NRXN3: variants seen among roughly 807,000 people sequenced by gnomAD.
NRXN3 encodes neurexin III.
NRXN3 carries 32 observed loss-of-function variants against 137.6 expected under a neutral mutation model. The observed-to-expected ratio is 0.23, with a 90% confidence interval of 0.18 to 0.31. NRXN3 has a LOEUF of 0.31. Ranked by LOEUF, NRXN3 falls within the 10% of genes least tolerant of loss-of-function variation. NRXN3 has a pLI of 1.00. For missense variants in NRXN3, 1,574 were observed against 2,062.5 expected (o/e 0.76, Z 4.59); for synonymous variants, 798 against 784.5 (o/e 1.02, Z -0.29).
chr14:79,559,882 C>T (rs1346517237), intron 16 of NRXN3, among the ~76,000 whole-genome samples: 3 of 152,090 alleles, frequency 2.0e-5, no homozygotes, highest in African/African-American at 7.2e-5. Context: ...AGTGTACATG[C>T]TAGGGACTTC....
At chr14:78,678,458 T>A (rs763300115) in intron 6 of NRXN3, among the ~76,000 whole-genome samples, 1 of 152,050 alleles carries the variant, frequency 6.6e-6, no homozygotes, top group African/African-American at 2.4e-5. Flanking sequence ...TACTCCAGTA[T>A]ATTTTCATCC....
chr14:78,465,455 T>C (rs1178426170), intron 4 of NRXN3, among the ~76,000 whole-genome samples: 1 of 152,238 alleles, frequency 6.6e-6, no homozygotes, highest in East Asian at 1.9e-4. Flanking sequence ...ATCCCAGTTC[T>C]GTAAAATTTT....
intron 4 of NRXN3, among the ~76,000 whole-genome samples, chr14:78,381,032 A>G (rs1210618100): frequency 6.6e-6 from 1 of 152,202 alleles, no homozygotes; most frequent in Non-Finnish European, 1.5e-5. Context: ...AAAACAGTGC[A>G]AAAGTAATTC....
intron 4 of NRXN3, among the ~76,000 whole-genome samples, chr14:78,323,320 G>A (rs528637246): frequency 3.3e-5 from 5 of 152,040 alleles, no homozygotes; most frequent in African/African-American, 1.2e-4. Context: ...AGAATGAAGA[G>A]AGACCTAAAA....
chr14:78,260,642 T>A (rs1336911464), intron 2 of NRXN3, among the ~76,000 whole-genome samples: 1 of 152,122 alleles, frequency 6.6e-6, no homozygotes, highest in East Asian at 1.9e-4. Context: ...AGTGAATAAG[T>A]CCCCCAAGAT....
chr14:78,827,907 C>T (rs2098971591), intron 10 of NRXN3, among the ~76,000 whole-genome samples: 1 of 152,220 alleles, frequency 6.6e-6, no homozygotes, highest in South Asian at 2.1e-4. Context: ...TAACAGCATA[C>T]ATAGTTGTAT....
intron 10 of NRXN3, among the ~76,000 whole-genome samples, chr14:78,870,718 A>G (rs2099099332): frequency 6.6e-6 from 1 of 151,836 alleles, no homozygotes; most frequent in Non-Finnish European, 1.5e-5. Flanking sequence ...GGTAGCCATC[A>G]TTCTACTCTC....
chr14:78,959,756 A>G (rs1002590547), intron 11 of NRXN3, among the ~76,000 whole-genome samples: 1 of 152,194 alleles, frequency 6.6e-6, no homozygotes, highest in Admixed American at 6.5e-5. Flanking sequence ...TTAATTATTC[A>G]AGAACTGTAT....
At chr14:78,410,335 T>G (rs547206267) in intron 4 of NRXN3, among the ~76,000 whole-genome samples, 1 of 152,354 alleles carries the variant, frequency 6.6e-6, no homozygotes, top group African/African-American at 2.4e-5. Context: ...GCGTGGTCCC[T>G]CCAGGGCTAA....
rs143130203 is a variant in NRXN3 at position 78,571,772 on chromosome 14, A to G, written c.758-73348A>G. On this transcript the variant is annotated intron_variant, in intron 4 of 20. Transcript: ENST00000335750. ...ATTCCCCAAGGACCAAAATGGACCC[A>G]TGTGATGAGTCTGTGTTATAACAGG... Among the ~76,000 whole-genome samples the G allele has an allele frequency of 1.9e-3, 285 of 152,310 alleles. 1 individual carries two copies. The highest frequency in any genetic ancestry group is 6.5e-3 in the African/African-American group (271 of 41,564).
At chr14:78,926,782 A>T (rs1426443261) in intron 10 of NRXN3, among the ~76,000 whole-genome samples, 2 of 37,500 alleles carry the variant, frequency 5.3e-5, no homozygotes, top group South Asian at 6.0e-4. Flanking sequence ...TATATATATA[A>T]AATATATTAT....
intron 15 of NRXN3, among the ~76,000 whole-genome samples, chr14:79,464,615 G>A (rs1311832177): frequency 6.6e-6 from 1 of 152,128 alleles, no homozygotes; most frequent in Non-Finnish European, 1.5e-5. Flanking sequence ...AAATTTGGGG[G>A]CTGTGACTTT....
chr14:79,189,100 CGG>C (rs1555833073), intron 15 of NRXN3, among the ~76,000 whole-genome samples: 3 of 151,630 alleles, frequency 2.0e-5, no homozygotes, highest in Non-Finnish European at 4.4e-5. Context: ...ATGTTTATTG[CGG>C]CACTATTCAC....
In NRXN3 at chr14:79,696,197, G is replaced by C. The variant is rs538510110; in HGVS notation, c.3707-1433G>C. Among the ~76,000 whole-genome samples, 5 of 152,050 alleles carry C rather than the reference G, an allele frequency of 3.3e-5. No individual in the cohort carries two copies. In the South Asian group the frequency reaches 6.2e-4, roughly 19 times the overall value. On this transcript the variant is annotated intron_variant, in intron 18 of 20. Coordinates refer to ENST00000335750, the MANE Select transcript of NRXN3 (RefSeq NM_001330195.2). ...GGACAGATCAACATTGTGTAGCCTT[G>C]AAGACCATGTAATAGTGGTAGATTT...
intron 15 of NRXN3, among the ~76,000 whole-genome samples, chr14:79,212,829 GTA>G (rs2067889502): frequency 6.6e-6 from 1 of 151,154 alleles, no homozygotes; most frequent in African/African-American, 2.4e-5. Flanking sequence ...GAGACATATA[GTA>G]TACAACATTC....
chr14:78,325,857 G>C (rs996076544), intron 4 of NRXN3, among the ~76,000 whole-genome samples: 4 of 152,170 alleles, frequency 2.6e-5, no homozygotes, highest in African/African-American at 7.2e-5. Context: ...TATGCAAAGT[G>C]AGTTGAGCTT....
intron 19 of NRXN3, among the ~76,000 whole-genome samples, chr14:79,719,382 G>GTGTGTGTATACATA (rs2098835592): frequency 7.8e-6 from 1 of 127,788 alleles, no homozygotes; most frequent in Non-Finnish European, 1.7e-5. Flanking sequence ...GTATATATAT[G>GTGTGTGTATACATA]TGTGTGTATA....
At chr14:79,623,395 C>T (rs2098245871) in intron 16 of NRXN3, among the ~76,000 whole-genome samples, 1 of 152,120 alleles carries the variant, frequency 6.6e-6, no homozygotes, top group South Asian at 2.1e-4. Flanking sequence ...TAATTAAATT[C>T]AGCCCATCAA....
intron 4 of NRXN3, among the ~76,000 whole-genome samples, chr14:78,325,430 CTG>C (rs1484444146): frequency 2.0e-5 from 3 of 152,136 alleles, no homozygotes; most frequent in African/African-American, 7.2e-5. Flanking sequence ...ACTACTGAAT[CTG>C]TAAAATGGGA....
Sources: allele counts gnomAD v4.1 joint callset (sites outside exome capture counted in the v4.1 genomes callset), GRCh38; gene constraint gnomAD v4.1.1; transcripts MANE v1.5; gene names NCBI Gene and HGNC (gene_info 2026-07-23, HGNC 2026-07-21).